BPI: variants seen among roughly 807,000 people sequenced by gnomAD.
The protein encoded by BPI is bactericidal permeability-increasing protein.
A neutral mutation model predicts 57.6 loss-of-function variants in BPI; 48 were observed. The ratio of observed to expected loss-of-function variants is 0.83; its 90% CI spans 0.66 to 1.06. The LOEUF (loss-of-function observed/expected upper bound fraction) is 1.06. Among genes scored for constraint, BPI ranks in the 50% least tolerant of loss-of-function variants. BPI has a pLI of 0.00. For synonymous variants in BPI, 237 were observed against 238.2 expected (o/e 0.99, Z 0.05); for missense variants, 651 against 609.7 (o/e 1.07, Z -0.71).
At chr20:38,311,972 G>A (rs925241709) in intron 5 of BPI, 35 bp downstream of exon 5, 1 of 1,603,192 alleles carries the variant, frequency 6.2e-7, no homozygotes, top group African/African-American at 1.3e-5. Flanking sequence ...AGCAAACAGA[G>A]GAGAAGGGCC....
intron 10 of BPI, 49 bp downstream of exon 10, chr20:38,326,481 CA>C: frequency 1.3e-6 from 2 of 1,550,516 alleles, no homozygotes; most frequent in Non-Finnish European, 1.7e-6. Context: ...ACAGTCCCAA[CA>C]GCACTGTCTT....
Position 38,310,670 on chromosome 20 carries a change from T to C in BPI, c.536+18T>C. 6.3e-7 allele frequency: 1 copy of C among 1,599,018 alleles called. No individual in the cohort carries two copies. The highest frequency in any genetic ancestry group is 8.6e-7 in the Non-Finnish European group (1 of 1,168,668). ...AAAGTGGGGTATGGACTCCCGGGAC[T>C]GTGGCTGGGAGGAGGGACTTAAAGA... On this transcript the variant is annotated intron_variant, in intron 4 of 14. Coordinates refer to ENST00000642449, the MANE Select transcript of BPI (RefSeq NM_001725.3).
rs899549078 is a variant in BPI, at chr20:38,326,390, C to T, written c.1119C>T (p.Val373=). The change falls in exon 10 of 15, where the codon GTC becomes GTT. Residue 373 remains valine (V), a synonymous_variant. Coordinates refer to ENST00000642449, the MANE Select transcript of BPI (RefSeq NM_001725.3). ...CCGTGGATGTCCAGGCCTTTGCCGT[C>T]CTCCCCAACTCCTCCCTGGCTTCCC... ...YPAVDVQAFA[V]LPNSSLASLF... is the part of the protein sequence containing the mutation. The T allele has an allele frequency of 2.5e-6, 4 of 1,614,040 alleles. No individual in the cohort carries two copies. The African/African-American group carries it at 5.3e-5, about 22-fold the overall frequency.
intron 6 of BPI, 110 bp downstream of exon 6, chr20:38,318,586 G>C: frequency 8.5e-7 from 1 of 1,177,212 alleles, no homozygotes; most frequent in Non-Finnish European, 1.3e-6. Context: ...CCCTGGGCCT[G>C]GGTGGGAATG....
rs2076662561 is a variant in BPI, at chr20:38,318,295, G to A, written c.601-118G>A. The A allele has an allele frequency of 2.4e-6, 3 of 1,238,702 alleles. No individual in the cohort carries two copies. In the Admixed American group the frequency reaches 5.2e-5, roughly 21 times the overall value. The allele number at this position is 1,238,702 out of a possible 1,614,324, so 76.7% of individuals were successfully genotyped here. Reference sequence around the variant, plus strand: ...CCAAAAAGAAAAGGGAAACTTGATTGGCTACATAATTTTCAAGAAAACATT... The same window carrying A: ...CCAAAAAGAAAAGGGAAACTTGATTAGCTACATAATTTTCAAGAAAACATT... On this transcript the variant is annotated intron_variant, in intron 5 of 14. Coordinates refer to ENST00000642449, the MANE Select transcript of BPI (RefSeq NM_001725.3).
chr20:38,330,961 C>T, intron 11 of BPI, 87 bp from the exon 12 acceptor site: 1 of 1,496,234 alleles, frequency 6.7e-7, no homozygotes, highest in Non-Finnish European at 9.3e-7. Context: ...ACAGTATCCA[C>T]CAGAGTGGGT....
chr20:38,324,656 A>T, intron 8 of BPI, 118 bp from the exon 9 acceptor site: 3 of 829,600 alleles, frequency 3.6e-6, no homozygotes, highest in Non-Finnish European at 6.2e-6. Context: ...CTGTTGTCAC[A>T]TAGGGGCTGG....
Position 38,326,421 on chromosome 20 carries a change from C to T in BPI, c.1150C>T (p.Leu384=), listed in dbSNP as rs1216934632. The T allele has an allele frequency of 1.2e-6, 2 of 1,613,488 alleles. No homozygotes were observed. The highest frequency in any genetic ancestry group is 2.2e-5 in the East Asian group (1 of 44,848). ...LPNSSLASLF[L]IGMHTTGSME... ...CAACTCCTCCCTGGCTTCCCTCTTC[C>T]TGATTGGCATGGTAAGCAGTTCCTG... Residue 384 remains leucine, a synonymous_variant, in exon 10 of 15, where the codon CTG becomes TTG. Transcript: ENST00000642449.
intron 7 of BPI, among the ~76,000 whole-genome samples, chr20:38,320,661 T>TACACACACAGAC (rs1662757653): frequency 2.3e-5 from 3 of 130,880 alleles, no homozygotes; most frequent in African/African-American, 8.9e-5. Context: ...TTATTACCAA[T>TACACACACAGAC]ACACACACAC....
intron 5 of BPI, 36 bp downstream of exon 5, chr20:38,311,973 G>A (rs372647509): frequency 7.4e-5 from 119 of 1,601,696 alleles, no homozygotes; most frequent in Non-Finnish European, 9.6e-5. Context: ...GCAAACAGAG[G>A]AGAAGGGCCC....
chr20:38,325,615 C>A (rs970917725), intron 9 of BPI, among the ~76,000 whole-genome samples: 3 of 152,168 alleles, frequency 2.0e-5, no homozygotes, highest in African/African-American at 7.2e-5. Flanking sequence ...CCAAATGCAG[C>A]CACACTGGGA....
chr20:38,335,405 G>A, intron 13 of BPI, 193 bp from the exon 14 acceptor site: 1 of 604,326 alleles, frequency 1.7e-6, no homozygotes, highest in Non-Finnish European at 3.0e-6. Flanking sequence ...TGGACTTGGG[G>A]TTGATGGACA....
intron 14 of BPI, 119 bp downstream of exon 14, chr20:38,335,793 A>C: frequency 1.1e-6 from 1 of 928,566 alleles, no homozygotes; most frequent in African/African-American, 1.7e-5. Flanking sequence ...CCTTACAACA[A>C]CTCTGGGATG....
At position 38,307,688 on chromosome 20, in the gene BPI, C is replaced by A. The variant is rs1163541572; in HGVS notation, c.245+7C>A. On this transcript the variant is annotated splice_region_variant and intron_variant, in intron 2 of 14. Transcript: ENST00000642449. ...GGCATTATAGCTTCTACAGGTGAGG[C>A]CTATCAGAGCTCAATCCTCGATTTG... 1.3e-6 allele frequency: 2 copies of A among 1,595,762 alleles called. No individual in the cohort carries two copies. Among genetic ancestry groups the A allele is most frequent in the African/African-American group, 1.3e-5 (1 of 74,452 alleles).
chr20:38,304,433 C>T, intron 1 of BPI, 80 bp downstream of exon 1: 1 of 1,543,858 alleles, frequency 6.5e-7, no homozygotes, highest in Non-Finnish European at 8.7e-7. Context: ...CCCTTTAGAT[C>T]CAGCACCTGG....
chr20:38,312,329 T>C (rs1048101135), intron 5 of BPI, among the ~76,000 whole-genome samples: 8 of 149,116 alleles, frequency 5.4e-5, no homozygotes, highest in South Asian at 2.3e-4. Context: ...ACAAATGCCA[T>C]TGATGAAGCT....
In BPI at chr20:38,329,005, C is replaced by CTAAATAAATAGATAAATAAATAAA. The variant is rs142025830; in HGVS notation, c.1229+1360_1229+1361insGATAAATAAATAAATAAATAAATA. Among the ~76,000 whole-genome samples, 66 of 134,942 alleles carry CTAAATAAATAGATAAATAAATAAA rather than the reference C, an allele frequency of 4.9e-4. 1 individual carries two copies. Among genetic ancestry groups the CTAAATAAATAGATAAATAAATAAA allele is most frequent in the African/African-American group, 1.8e-3 (64 of 35,344 alleles). The allele number at this position is 134,942 out of a possible 152,430, so 88.5% of individuals were successfully genotyped here. A position where few individuals can be genotyped will look rare whatever the true frequency, so the allele number is the denominator to read the frequency against. On this transcript the variant is annotated intron_variant, in intron 11 of 14. Transcript: ENST00000642449. ...TGGGCAACAGAGCAAGACCCTGTCT[C>CTAAATAAATAGATAAATAAATAAA]TAAATAAATAAATAAATAAATAAAT...
At chr20:38,327,489 C>A in intron 10 of BPI, 99 bp from the exon 11 acceptor site, 1 of 1,327,188 alleles carries the variant, frequency 7.5e-7, no homozygotes, top group Non-Finnish European at 1.1e-6. Context: ...GTGTATGCTG[C>A]CCTGCTGAGC....
At chr20:38,334,157 T>C (rs1174355012) in intron 12 of BPI, among the ~76,000 whole-genome samples, 2 of 152,250 alleles carry the variant, frequency 1.3e-5, no homozygotes, top group African/African-American at 4.8e-5. Flanking sequence ...TTCCTCATGA[T>C]TGTCGTGAGT....
Sources: allele counts gnomAD v4.1 joint callset (sites outside exome capture counted in the v4.1 genomes callset), GRCh38; gene constraint gnomAD v4.1.1; transcripts MANE v1.5; gene names NCBI Gene and HGNC (gene_info 2026-07-23, HGNC 2026-07-21).